The following SHISA8 variants were observed in gnomAD, a reference collection of about 807,000 sequenced individuals.
SHISA8 encodes protein shisa-8.
Under a neutral mutation model 21.1 loss-of-function variants are expected in SHISA8, and 21 were observed. The observed-to-expected ratio is 0.99, with a 90% CI of 0.71 to 1.43. The LOEUF is 1.43. Ranked by LOEUF, SHISA8 falls within the 40% of genes most tolerant of loss-of-function variation. The pLI is 0.00. For missense variants in SHISA8, 535 were observed against 599.1 expected (o/e 0.89, Z 1.12); for synonymous variants, 300 against 291.4 (o/e 1.03, Z -0.30).
chr22:41,910,088 G>GT lies in SHISA8; in HGVS notation c.870dup (p.Pro291ThrfsTer77), dbSNP rs2077538318. 1.6e-6 allele frequency: 2 copies of GT among 1,239,772 alleles called. No homozygotes were observed. The allele number at this position is 1,239,772 out of a possible 1,614,324, so 76.8% of individuals were successfully genotyped here. ...GATGGTCGCGGAGCCCGCGCCGGGG[G>GT]TTGCCGCGGGGACGGCTCGAGGGCG... On this transcript the variant is annotated frameshift_variant, in exon 4 of 4. Coordinates refer to ENST00000621082, the MANE Select transcript of SHISA8 (RefSeq NM_001207020.3). LOFTEE classifies it low-confidence loss of function (END_TRUNC). This position sits in a 1 kb window ranked among gnomAD's most constrained non-coding sequence, Gnocchi z 6.8.
chr22:41,910,641 G>A lies in SHISA8; in HGVS notation c.665-87C>T. On this transcript the variant is annotated intron_variant, in intron 2 of 3. Coordinates refer to ENST00000621082, the MANE Select transcript of SHISA8 (RefSeq NM_001207020.3). The surrounding 1 kb of genome is among the most constrained non-coding windows in gnomAD (Gnocchi z 6.8). ...ACCTCTCCGTAGTCCTCTCCCCGAG[G>A]CCGTTCGGTGAGAACCTGGGGGACC... The A allele has an allele frequency of 8.3e-7, 1 of 1,200,956 alleles. No individual in the cohort carries two copies. Among genetic ancestry groups the A allele is most frequent in the South Asian group, 4.3e-5 (1 of 23,326 alleles). 74.4% of individuals were successfully genotyped at this position (1,200,956 alleles called of 1,614,324 possible).
intron 1 of SHISA8, among the ~76,000 whole-genome samples, chr22:41,912,120 A>G (rs943202566): frequency 1.3e-4 from 20 of 152,304 alleles, no homozygotes; most frequent in African/African-American, 4.6e-4. Context: ...ACGGGCATGA[A>G]GGACAGATGG....
chr22:41,909,828 G>T lies in SHISA8; in HGVS notation c.1131C>A (p.Tyr377Ter), dbSNP rs1337387291. 2.0e-6 allele frequency: 3 copies of T among 1,522,548 alleles called. No homozygotes were observed. The highest frequency in any genetic ancestry group is 2.8e-5 in the African/African-American group (2 of 71,940). 94.3% of individuals were successfully genotyped at this position (1,522,548 alleles called of 1,614,324 possible). The change falls in exon 4 of 4, where the codon TAC becomes TAA. Residue 377 changes from tyrosine (Y) to a stop codon, truncating the protein, a stop_gained. Transcript: ENST00000621082. LOFTEE classifies it high-confidence loss of function. ...ETFNPQLPGL[Y>*]GSAGRGSRYL... The stretch of plus-strand genomic sequence containing the variant: ...ACCGGGACCCGCGGCCCGCGCTGCC[G>T]TAAAGGCCGGGGAGCTGCGGGTTGA...
In SHISA8 at chr22:41,911,305, A is replaced by T. The variant is rs1170977400; in HGVS notation, c.575T>A (p.Leu192Gln). ...CAGGGGTGGGCCCAGGGTGGGAGGCAGTGGCTCCTGGGGGCCCGGCTGCTT... is the reference window on the plus strand; with the variant it reads ...CAGGGGTGGGCCCAGGGTGGGAGGCTGTGGCTCCTGGGGGCCCGGCTGCTT... ...LLKQPGPQEP[L>Q]PPTLGPPLGG... Residue 192 changes from leucine to glutamine, a missense_variant, in exon 2 of 4, where the codon CTG becomes CAG. Transcript: ENST00000621082. 8 of 1,248,682 alleles carry T rather than the reference A, an allele frequency of 6.4e-6. No homozygotes were observed. Among genetic ancestry groups the T allele is most frequent in the Non-Finnish European group, 8.0e-6 (8 of 995,612 alleles). The allele number at this position is 1,248,682 out of a possible 1,614,324, so 77.4% of individuals were successfully genotyped here.
In SHISA8 at chr22:41,914,691, C is replaced by A. The variant is rs1692429777; in HGVS notation, c.-24G>T. On this transcript the variant is annotated 5_prime_UTR_variant, in exon 1 of 4. Coordinates refer to ENST00000621082, the MANE Select transcript of SHISA8 (RefSeq NM_001207020.3). The surrounding 1 kb of genome is among the most constrained non-coding windows in gnomAD (Gnocchi z 6.8). Reference sequence around the variant, plus strand: ...ATCGGGCCCGCGCCTCCCGCTACTGCGCCCGGTGCATGGCCGGGCGCCGCG... The same window carrying A: ...ATCGGGCCCGCGCCTCCCGCTACTGAGCCCGGTGCATGGCCGGGCGCCGCG... 3.0e-6 allele frequency: 3 copies of A among 1,016,550 alleles called. No individual in the cohort carries two copies. Among genetic ancestry groups the A allele is most frequent in the Non-Finnish European group, 3.5e-6 (3 of 852,016 alleles). 63.0% of individuals were successfully genotyped at this position (1,016,550 alleles called of 1,614,324 possible).
chr22:41,911,264 C>G lies in SHISA8; in HGVS notation c.616G>C (p.Val206Leu). The G allele has an allele frequency of 7.8e-7, 1 of 1,277,902 alleles. No homozygotes were observed. Among genetic ancestry groups the G allele is most frequent in the South Asian group, 2.7e-5 (1 of 37,234 alleles). 79.2% of individuals were successfully genotyped at this position (1,277,902 alleles called of 1,614,324 possible). A position where few individuals can be genotyped will look rare whatever the true frequency, so the allele number is the denominator to read the frequency against. Residue 206 changes from valine (V) to leucine (L), a missense_variant, in exon 2 of 4, where the codon GTG becomes CTG. Val to Leu is a conservative substitution (Grantham distance 32). Transcript: ENST00000621082. The stretch of plus-strand genomic sequence containing the variant: ...CGGGGGAGGCCGTCCCCCATCTGCA[C>G]CTGGACACAGCCACCCAGGGGTGGG... ...LGPPLGGCVQVQMGDGLPRGS... is the reference protein window; with the variant it reads ...LGPPLGGCVQLQMGDGLPRGS...
intron 1 of SHISA8, 106 bp from the exon 2 acceptor site, chr22:41,911,455 C>T (rs2077553155): frequency 3.4e-6 from 4 of 1,168,770 alleles, no homozygotes; most frequent in Non-Finnish European, 4.3e-6. Context: ...CTTTCGGCCT[C>T]TCCAGGCCGT....
rs1189261774 is a variant in SHISA8 at position 41,914,892 on chromosome 22, T to G, written c.-225A>C. ...GCCCGGGCTCACCTCGGACCCGAGC[T>G]GCCCGGTCCGCGTCCTGAGATCTTC... is the stretch of plus-strand genomic sequence containing the variant. On this transcript the variant is annotated 5_prime_UTR_variant, in exon 1 of 4. Coordinates refer to ENST00000621082, the MANE Select transcript of SHISA8 (RefSeq NM_001207020.3). The surrounding 1 kb of genome is among the most constrained non-coding windows in gnomAD (Gnocchi z 6.8). 1.3e-5 allele frequency among the ~76,000 whole-genome samples: 2 copies of G among 151,152 alleles called. No individual in the cohort carries two copies. The highest frequency in any genetic ancestry group is 4.8e-5 in the African/African-American group (2 of 41,278).
rs1300757969 is a variant in SHISA8 at position 41,914,693 on chromosome 22, C to T, written c.-26G>A. 2 of 1,015,990 alleles carry T rather than the reference C, an allele frequency of 2.0e-6. No individual in the cohort carries two copies. Among genetic ancestry groups the T allele is most frequent in the African/African-American group, 3.5e-5 (2 of 57,338 alleles). The allele number at this position is 1,015,990 out of a possible 1,614,324, so 62.9% of individuals were successfully genotyped here. A position where few individuals can be genotyped will look rare whatever the true frequency, so the allele number is the denominator to read the frequency against. On this transcript the variant is annotated 5_prime_UTR_variant, in exon 1 of 4. Coordinates refer to ENST00000621082, the MANE Select transcript of SHISA8 (RefSeq NM_001207020.3). The surrounding 1 kb of genome is among the most constrained non-coding windows in gnomAD (Gnocchi z 6.8). ...CGGGCCCGCGCCTCCCGCTACTGCGCCCGGTGCATGGCCGGGCGCCGCGGC... is the reference window on the plus strand; with the variant it reads ...CGGGCCCGCGCCTCCCGCTACTGCGTCCGGTGCATGGCCGGGCGCCGCGGC...
At position 41,909,787 on chromosome 22, in the gene SHISA8, C is replaced by A; in HGVS notation, c.1172G>T (p.Ser391Ile). 1 of 1,495,176 alleles carries A rather than the reference C, an allele frequency of 6.7e-7. No individual in the cohort carries two copies. Among genetic ancestry groups the A allele is most frequent in the East Asian group, 2.7e-5 (1 of 36,652 alleles). 92.6% of individuals were successfully genotyped at this position (1,495,176 alleles called of 1,614,324 possible). A position where few individuals can be genotyped will look rare whatever the true frequency, so the allele number is the denominator to read the frequency against. Residue 391 changes from serine (S) to isoleucine (I), a missense_variant, in exon 4 of 4, where the codon AGC becomes ATC. Physicochemically the swap from Ser to Ile is moderately radical, Grantham distance 142. Transcript: ENST00000621082. ...GCTTCACACGGTGACCTCGGTCTTG[C>A]TATTGGTCCTTAGGTACCGGGACCC... is the stretch of plus-strand genomic sequence containing the variant. The part of the protein sequence containing the change: ...GRGSRYLRTN[S>I]KTEVTV
In SHISA8 at chr22:41,914,036, G is replaced by GC; in HGVS notation, c.530+101dup. 8.2e-7 allele frequency: 1 copy of GC among 1,224,674 alleles called. No individual in the cohort carries two copies. Among genetic ancestry groups the GC allele is most frequent in the South Asian group, 2.2e-5 (1 of 44,734 alleles). The allele number at this position is 1,224,674 out of a possible 1,614,324, so 75.9% of individuals were successfully genotyped here. On this transcript the variant is annotated intron_variant, in intron 1 of 3. Coordinates refer to ENST00000621082, the MANE Select transcript of SHISA8 (RefSeq NM_001207020.3). The surrounding 1 kb of genome is among the most constrained non-coding windows in gnomAD (Gnocchi z 6.8). ...GGAGACAGGAAAACCCAGAGAAGGG[G>GC]CCTGCTGGGAGAACCAGCGCTTCGA... is the stretch of plus-strand genomic sequence containing the variant.
chr22:41,911,254 C>T lies in SHISA8; in HGVS notation c.626G>A (p.Gly209Glu). 1 of 1,284,018 alleles carries T rather than the reference C, an allele frequency of 7.8e-7. No individual in the cohort carries two copies. Among genetic ancestry groups the T allele is most frequent in the Non-Finnish European group, 9.8e-7 (1 of 1,015,436 alleles). 79.5% of individuals were successfully genotyped at this position (1,284,018 alleles called of 1,614,324 possible). The change falls in exon 2 of 4, where the codon GGG becomes GAG. Residue 209 changes from glycine to glutamate, a missense_variant. Transcript: ENST00000621082. ...PLGGCVQVQMGDGLPRGSPHN... is the reference protein window; with the variant it reads ...PLGGCVQVQMEDGLPRGSPHN... ...GGGGGAGCCCCGGGGGAGGCCGTCC[C>T]CCATCTGCACCTGGACACAGCCACC...
rs890041132 is a variant in SHISA8 at position 41,910,445 on chromosome 22, C to T, written c.774G>A (p.Lys258=). The T allele has an allele frequency of 1.9e-5, 26 of 1,354,386 alleles. No individual in the cohort carries two copies. The highest frequency in any genetic ancestry group is 1.9e-5 in the Non-Finnish European group (20 of 1,054,312). 83.9% of individuals were successfully genotyped at this position (1,354,386 alleles called of 1,614,324 possible). ...GSLTLQPDYA[K]YATFKAAALK... ...GCGCGGCGGCCTTGAACGTGGCGTACTTGGCGTAGTCTGGCTGCAGCGTCA... is the reference window on the plus strand; with the variant it reads ...GCGCGGCGGCCTTGAACGTGGCGTATTTGGCGTAGTCTGGCTGCAGCGTCA... The change falls in exon 3 of 4, where the codon AAG becomes AAA. Residue 258 remains lysine (K), a synonymous_variant. Transcript: ENST00000621082. The surrounding 1 kb of genome is among the most constrained non-coding windows in gnomAD (Gnocchi z 6.8).
chr22:41,909,584 G>A lies in SHISA8; in HGVS notation c.*181C>T. 1 of 753,150 alleles carries A rather than the reference G, an allele frequency of 1.3e-6. No individual in the cohort carries two copies. The highest frequency in any genetic ancestry group is 4.3e-5 in the South Asian group (1 of 23,298). 46.7% of individuals were successfully genotyped at this position (753,150 alleles called of 1,614,324 possible). On this transcript the variant is annotated 3_prime_UTR_variant, in exon 4 of 4. Transcript: ENST00000621082. ...TGGGGCTTCTTTATTCTCAGGGGCA[G>A]GAACCACATAAAAGGGCTTATTTAC...
chr22:41,913,054 G>T (rs542751268), intron 1 of SHISA8, among the ~76,000 whole-genome samples: 1 of 152,260 alleles, frequency 6.6e-6, no homozygotes, highest in Non-Finnish European at 1.5e-5. Context: ...AGGCCAGGAG[G>T]CTCCACCTCC....
chr22:41,914,673 C>T lies in SHISA8; in HGVS notation c.-6G>A. ...CGCGCCCCGGCCCGCGCCATCGGGCCCGCGCCTCCCGCTACTGCGCCCGGT... is the reference window on the plus strand; with the variant it reads ...CGCGCCCCGGCCCGCGCCATCGGGCTCGCGCCTCCCGCTACTGCGCCCGGT... On this transcript the variant is annotated 5_prime_UTR_variant, in exon 1 of 4. Coordinates refer to ENST00000621082, the MANE Select transcript of SHISA8 (RefSeq NM_001207020.3). This position sits in a 1 kb window ranked among gnomAD's most constrained non-coding sequence, Gnocchi z 6.8. 1 of 1,016,384 alleles carries T rather than the reference C, an allele frequency of 9.8e-7. No individual in the cohort carries two copies. Among genetic ancestry groups the T allele is most frequent in the Non-Finnish European group, 1.2e-6 (1 of 851,986 alleles). 63.0% of individuals were successfully genotyped at this position (1,016,384 alleles called of 1,614,324 possible). A position where few individuals can be genotyped will look rare whatever the true frequency, so the allele number is the denominator to read the frequency against.
intron 1 of SHISA8, among the ~76,000 whole-genome samples, chr22:41,913,922 G>T (rs1340340845): frequency 1.3e-5 from 2 of 151,882 alleles, no homozygotes; most frequent in Admixed American, 6.5e-5. Flanking sequence ...AAGGCGGTGC[G>T]GCGCCCAGCA....
chr22:41,909,628 G>T lies in SHISA8; in HGVS notation c.*137C>A. ...TATTTACAAGACGAACCCGCGGCCT[G>T]CAGGCTCCAAGACACCACTGCCGTT... On this transcript the variant is annotated 3_prime_UTR_variant, in exon 4 of 4. Transcript: ENST00000621082. 8.4e-7 allele frequency: 1 copy of T among 1,190,628 alleles called. No individual in the cohort carries two copies. The highest frequency in any genetic ancestry group is 1.1e-6 in the Non-Finnish European group (1 of 928,324). The allele number at this position is 1,190,628 out of a possible 1,614,324, so 73.8% of individuals were successfully genotyped here.
chr22:41,912,735 T>C (rs5758504), intron 1 of SHISA8, among the ~76,000 whole-genome samples: 97,594 of 151,942 alleles, frequency 0.64, 33,423 homozygotes, highest in African/African-American at 0.88. Context: ...AAAAGGGAGT[T>C]GGGGCCATGG....
Sources: allele counts gnomAD v4.1 joint callset (sites outside exome capture counted in the v4.1 genomes callset), GRCh38; gene constraint gnomAD v4.1.1; non-coding constraint Gnocchi (gnomAD v3.1); transcripts MANE v1.5; gene names NCBI Gene and HGNC (gene_info 2026-07-23, HGNC 2026-07-21).